EBF3: variants seen among roughly 807,000 people sequenced by gnomAD.
EBF3 encodes transcription factor COE3.
A neutral mutation model predicts 77.1 loss-of-function variants in EBF3; 18 were observed. The ratio of observed to expected loss-of-function variants is 0.23; its 90% CI spans 0.16 to 0.35. The LOEUF is 0.35. Ranked by LOEUF, EBF3 falls within the 10% of genes least tolerant of loss-of-function variation. EBF3 has a pLI of 1.00. For synonymous variants in EBF3, 350 were observed against 343.5 expected, an observed-to-expected ratio of 1.02 and a Z score of -0.21; for missense variants, 558 against 860.0, an observed-to-expected ratio of 0.65 and a Z score of 4.39.
rs1037462370 is a variant in EBF3 at position 129,836,164 on chromosome 10, G to C, written c.*1779C>G. On this transcript the variant is annotated 3_prime_UTR_variant, in exon 17 of 17. Transcript: ENST00000440978. ...TTTACACCATACATCTCCAAATGAA[G>C]TATTTATTAACAATTGTAGTGTAAG... 2 of 152,616 alleles carry C rather than the reference G, an allele frequency of 1.3e-5. No homozygotes were observed. The highest frequency in any genetic ancestry group is 6.5e-5 in the Admixed American group (1 of 15,274). The allele number at this position is 152,616 out of a possible 1,614,324, so 9.5% of individuals were successfully genotyped here.
intron 10 of EBF3, among the ~76,000 whole-genome samples, chr10:129,850,409 A>T (rs1316423606): frequency 6.6e-6 from 1 of 152,256 alleles, no homozygotes; most frequent in Non-Finnish European, 1.5e-5. Flanking sequence ...AATATGTGAA[A>T]GCAGGGTAAG....
chr10:129,930,411 T>G, intron 6 of EBF3, among the ~76,000 whole-genome samples: 1 of 150,878 alleles, frequency 6.6e-6, no homozygotes, highest in Non-Finnish European at 1.5e-5. Flanking sequence ...TATATCTATC[T>G]CTATACTAAC....
At chr10:129,838,375 C>T (rs1233763263) in intron 16 of EBF3, among the ~76,000 whole-genome samples, 1 of 152,230 alleles carries the variant, frequency 6.6e-6, no homozygotes, top group African/African-American at 2.4e-5. Flanking sequence ...CCAGTCAAGG[C>T]CGGCTCACAG....
At chr10:129,889,536 G>A (rs1853861991) in intron 6 of EBF3, among the ~76,000 whole-genome samples, 1 of 152,184 alleles carries the variant, frequency 6.6e-6, no homozygotes, top group African/African-American at 2.4e-5. Context: ...AAACTCTGCA[G>A]CCTCCCTGCA....
intron 11 of EBF3, among the ~76,000 whole-genome samples, chr10:129,844,903 C>A (rs1850347368): frequency 6.6e-6 from 1 of 152,138 alleles, no homozygotes; most frequent in Non-Finnish European, 1.5e-5. Flanking sequence ...TACTCATAAT[C>A]TCTCCTATCA....
chr10:129,963,157 GC>G lies in EBF3; in HGVS notation c.292-153del. 1 of 1,218,634 alleles carries G rather than the reference GC, an allele frequency of 8.2e-7. No individual in the cohort carries two copies. Among genetic ancestry groups the G allele is most frequent in the Non-Finnish European group, 1.2e-6 (1 of 851,444 alleles). 75.5% of individuals were successfully genotyped at this position (1,218,634 alleles called of 1,614,324 possible). ...CGGTGATGTCACTTTCCTGCTGGAAGCCCAGCGTTCTCCTCGCCCCGAGTAA... is the reference window on the plus strand; with the variant it reads ...CGGTGATGTCACTTTCCTGCTGGAAGCCAGCGTTCTCCTCGCCCCGAGTAA... On this transcript the variant is annotated intron_variant, in intron 2 of 16. Coordinates refer to ENST00000440978, the MANE Select transcript of EBF3 (RefSeq NM_001375380.1). The surrounding 1 kb of genome is among the most constrained non-coding windows in gnomAD (Gnocchi z 7.1).
At chr10:129,917,681 T>TAAAAAAAAAAAAAAAAAAAA (rs1239226466) in intron 6 of EBF3, among the ~76,000 whole-genome samples, 115 of 60,388 alleles carry the variant, frequency 1.9e-3, no homozygotes, top group Non-Finnish European at 2.4e-3. Flanking sequence ...AAAAAAAAAC[T>TAAAAAAAAAAAAAAAAAAAA]AAAACCAAGC....
At chr10:129,953,044 A>AG (rs1554933573) in intron 6 of EBF3, among the ~76,000 whole-genome samples, 34 of 151,612 alleles carry the variant, frequency 2.2e-4, no homozygotes, top group African/African-American at 8.2e-4. Context: ...AAAAAAAAAA[A>AG]AAGAAGAAGA....
chr10:129,904,284 C>G (rs1004127325), intron 6 of EBF3, among the ~76,000 whole-genome samples: 2 of 152,214 alleles, frequency 1.3e-5, no homozygotes, highest in African/African-American at 4.8e-5. Flanking sequence ...TAGCTTGCTA[C>G]AGCATCACCC....
chr10:129,844,791 G>A (rs1850338777), intron 11 of EBF3, among the ~76,000 whole-genome samples: 1 of 152,112 alleles, frequency 6.6e-6, no homozygotes, highest in Admixed American at 6.6e-5. Flanking sequence ...TTGTCATGAA[G>A]CAGGTATAAT....
chr10:129,851,069 G>T (rs1295525337), intron 10 of EBF3, among the ~76,000 whole-genome samples: 1 of 152,238 alleles, frequency 6.6e-6, no homozygotes, highest in East Asian at 1.9e-4. Context: ...GTAATTATGA[G>T]GGGGAGAGAT....
At position 129,864,637 on chromosome 10, in the gene EBF3, G is replaced by T. The variant is rs944244321; in HGVS notation, c.1039+2504C>A. Among the ~76,000 whole-genome samples, 3 of 152,164 alleles carry T rather than the reference G, an allele frequency of 2.0e-5. No individual in the cohort carries two copies. In the East Asian group the frequency reaches 5.8e-4, roughly 29 times the overall value. Reference sequence around the variant, plus strand: ...CTGACAGTCCAGTGTAAGAACAGGGGGCTTATTCATCCATTTTTGTGCAGA... The same window carrying T: ...CTGACAGTCCAGTGTAAGAACAGGGTGCTTATTCATCCATTTTTGTGCAGA... On this transcript the variant is annotated intron_variant, in intron 10 of 16. Coordinates refer to ENST00000440978, the MANE Select transcript of EBF3 (RefSeq NM_001375380.1). The surrounding 1 kb of genome is among the most constrained non-coding windows in gnomAD (Gnocchi z 4.4).
chr10:129,871,138 A>G (rs765910228), intron 8 of EBF3, among the ~76,000 whole-genome samples: 1 of 152,178 alleles, frequency 6.6e-6, no homozygotes, highest in Non-Finnish European at 1.5e-5. Context: ...ACCTAACCGC[A>G]TTACGGCACT....
intron 6 of EBF3, among the ~76,000 whole-genome samples, chr10:129,910,435 T>G (rs1855448262): frequency 6.6e-6 from 1 of 152,094 alleles, no homozygotes; most frequent in African/African-American, 2.4e-5. Context: ...AATATACCTG[T>G]ATATATATTC....
At chr10:129,920,485 A>T (rs1333950407) in intron 6 of EBF3, among the ~76,000 whole-genome samples, 1 of 152,158 alleles carries the variant, frequency 6.6e-6, no homozygotes, top group African/African-American at 2.4e-5. Context: ...ACCTGGAGCG[A>T]CTCTGGGTTA....
At chr10:129,949,886 CT>C (rs1450419738) in intron 6 of EBF3, among the ~76,000 whole-genome samples, 1 of 151,986 alleles carries the variant, frequency 6.6e-6, no homozygotes. Flanking sequence ...AGGGCAAATG[CT>C]TTTAGGGCCT....
In EBF3 at chr10:129,837,834, G is replaced by T; in HGVS notation, c.*109C>A. 1 of 1,430,598 alleles carries T rather than the reference G, an allele frequency of 7.0e-7. No individual in the cohort carries two copies. The highest frequency in any genetic ancestry group is 2.3e-5 in the East Asian group (1 of 42,940). 88.6% of individuals were successfully genotyped at this position (1,430,598 alleles called of 1,614,324 possible). A position where few individuals can be genotyped will look rare whatever the true frequency, so the allele number is the denominator to read the frequency against. On this transcript the variant is annotated 3_prime_UTR_variant, in exon 17 of 17. Coordinates refer to ENST00000440978, the MANE Select transcript of EBF3 (RefSeq NM_001375380.1). ...TTCAATTGCTGCTGATTTTTTTGAA[G>T]ATACTGTTTCCATCAGCATGTCTTA... is the stretch of plus-strand genomic sequence containing the variant.
At chr10:129,859,893 A>G (rs572033000) in intron 10 of EBF3, among the ~76,000 whole-genome samples, 1 of 152,174 alleles carries the variant, frequency 6.6e-6, no homozygotes, top group East Asian at 1.9e-4. Flanking sequence ...TCTTGTTCCT[A>G]TTTTTCCAGG....
chr10:129,877,873 T>C, intron 6 of EBF3, 24 bp from the exon 7 acceptor site: 7 of 1,575,556 alleles, frequency 4.4e-6, no homozygotes, highest in Non-Finnish European at 6.1e-6. Flanking sequence ...AAAAAGATGA[T>C]ATTTATTAGG....
Sources: gnomAD v4.1 joint callset for allele counts (sites outside exome capture counted in the v4.1 genomes callset) on GRCh38, gnomAD v4.1.1 for gene constraint, Gnocchi (gnomAD v3.1) non-coding constraint, MANE v1.5 for transcripts, NCBI Gene and HGNC (gene_info 2026-07-23, HGNC 2026-07-21) for gene names.